The following STPG2 variants were observed in gnomAD, a reference collection of about 807,000 sequenced individuals.
The protein encoded by STPG2 is sperm tail PG-rich repeat containing 2, also known as sperm-tail PG-rich repeat-containing protein 2.
In STPG2, 56 loss-of-function variants were observed where a neutral mutation model predicts 54.2. The observed-to-expected ratio is 1.03, with a 90% confidence interval of 0.83 to 1.29. The LOEUF (loss-of-function observed/expected upper bound fraction) is 1.29. STPG2 is among the 50% of genes most tolerant of loss of function. The pLI is 0.00. For synonymous variants in STPG2, 200 were observed against 181.8 expected (o/e 1.10, Z -0.81); for missense variants, 596 against 544.9 (o/e 1.09, Z -0.93).
chr4:97,864,161 C>T (rs536435527), intron 8 of STPG2, among the ~76,000 whole-genome samples: 73 of 152,206 alleles, frequency 4.8e-4, no homozygotes, highest in Middle Eastern at 6.8e-3. Context: ...TCAAATTGTC[C>T]CTGTTTGCAG....
At chr4:97,870,578 A>T (rs574733277) in intron 8 of STPG2, among the ~76,000 whole-genome samples, 6 of 151,564 alleles carry the variant, frequency 4.0e-5, no homozygotes, top group African/African-American at 1.2e-4. Context: ...ATTAATTGTA[A>T]TGAAGAACAT....
At chr4:97,536,244 A>T (rs1731528302) in intron 4 of STPG2, among the ~76,000 whole-genome samples, 1 of 152,116 alleles carries the variant, frequency 6.6e-6, no homozygotes, top group African/African-American at 2.4e-5. Context: ...CTATGGGTGA[A>T]ATGGTTTGGC....
intron 8 of STPG2, among the ~76,000 whole-genome samples, chr4:97,933,511 T>A (rs180748090): frequency 7.0e-4 from 106 of 152,334 alleles, no homozygotes; most frequent in African/African-American, 2.1e-3. Flanking sequence ...TACATTTAAG[T>A]CTTTAATCCA....
chr4:98,053,316 T>C (rs887028610), intron 5 of STPG2, among the ~76,000 whole-genome samples: 13 of 152,162 alleles, frequency 8.5e-5, no homozygotes, highest in African/African-American at 2.4e-4. Flanking sequence ...AATGTAAACA[T>C]GCAACAAGAG....
intron 5 of STPG2, among the ~76,000 whole-genome samples, chr4:97,982,585 G>A (rs149332005): frequency 1.1e-3 from 174 of 151,966 alleles, no homozygotes; most frequent in African/African-American, 3.9e-3. Context: ...CAAATTCGTC[G>A]GCTGATCTAA....
At chr4:97,841,006 G>A in intron 8 of STPG2, 74 bp from the exon 9 acceptor site, 1 of 1,418,504 alleles carries the variant, frequency 7.0e-7, no homozygotes, top group South Asian at 1.4e-5. Flanking sequence ...CAGATGGATG[G>A]TTACAGTAAG....
At chr4:97,854,928 G>A (rs1270802982) in intron 8 of STPG2, among the ~76,000 whole-genome samples, 1 of 152,122 alleles carries the variant, frequency 6.6e-6, no homozygotes, top group African/African-American at 2.4e-5. Context: ...CAAGGCCCCA[G>A]TGTGTGTTGT....
At chr4:97,946,824 G>A (rs940840311) in intron 7 of STPG2, among the ~76,000 whole-genome samples, 3 of 147,142 alleles carry the variant, frequency 2.0e-5, no homozygotes, top group Non-Finnish European at 4.6e-5. Context: ...GTCCAGTAAT[G>A]TGCTGCCTCC....
At chr4:98,107,843 C>T (rs1739230830) in intron 4 of STPG2, among the ~76,000 whole-genome samples, 1 of 151,890 alleles carries the variant, frequency 6.6e-6, no homozygotes, top group Non-Finnish European at 1.5e-5. Flanking sequence ...GATTAAAATA[C>T]TGAAGAACAA....
intron 5 of STPG2, among the ~76,000 whole-genome samples, chr4:98,034,024 C>A (rs1323081293): frequency 1.3e-5 from 2 of 152,122 alleles, no homozygotes; most frequent in Non-Finnish European, 2.9e-5. Context: ...TGGAAGCATT[C>A]CCTTTGAAAA....
At chr4:98,041,234 A>C in intron 5 of STPG2, among the ~76,000 whole-genome samples, 1 of 151,760 alleles carries the variant, frequency 6.6e-6, no homozygotes, top group East Asian at 1.9e-4. Flanking sequence ...TCTTTTGGAG[A>C]AGGCTCTAGG....
rs188166244 is a variant in STPG2, at chr4:97,542,055, G to C, written c.462+170644C>G. On this transcript the variant is annotated intron_variant, in intron 4 of 4. Transcript: ENST00000522676. ...CTAGGCAATACCATTCAGGACATAG[G>C]CATAGGCAAGGACTTCATGTCTAAA... 4.1e-3 allele frequency among the ~76,000 whole-genome samples: 630 copies of C among 152,210 alleles called. 3 individuals are homozygous for C. The highest frequency in any genetic ancestry group is 0.02 in the South Asian group (97 of 4,822).
intron 4 of STPG2, among the ~76,000 whole-genome samples, chr4:97,477,414 A>G (rs1730098447): frequency 6.6e-6 from 1 of 150,600 alleles, no homozygotes; most frequent in South Asian, 2.1e-4. Context: ...GAAAAATTTT[A>G]TATCATTGTA....
intron 8 of STPG2, among the ~76,000 whole-genome samples, chr4:97,879,223 G>T (rs542092790): frequency 6.6e-6 from 1 of 152,266 alleles, no homozygotes; most frequent in Admixed American, 6.5e-5. Flanking sequence ...TACTTCTGAG[G>T]CTTTCAAACT....
chr4:98,068,646 G>GAAGAAA (rs1737905010), intron 5 of STPG2, among the ~76,000 whole-genome samples: 1 of 152,068 alleles, frequency 6.6e-6, no homozygotes, highest in African/African-American at 2.4e-5. Flanking sequence ...TGTTCCAGAA[G>GAAGAAA]TTGTGTGTAG....
chr4:98,124,188 C>T (rs11721331), intron 3 of STPG2, among the ~76,000 whole-genome samples: 60,056 of 151,892 alleles, frequency 0.4, 12,112 homozygotes, highest in Middle Eastern at 0.46. Context: ...TTAAGGTTAA[C>T]ATTGTTATGT....
intron 2 of STPG2, among the ~76,000 whole-genome samples, chr4:98,129,330 C>A (rs1739918008): frequency 6.6e-6 from 1 of 152,172 alleles, no homozygotes. Flanking sequence ...TGGCTTCATT[C>A]CTTCCCAGCT....
intron 9 of STPG2, among the ~76,000 whole-genome samples, chr4:97,834,051 A>G (rs886134309): frequency 6.6e-6 from 1 of 152,174 alleles, no homozygotes; most frequent in African/African-American, 2.4e-5. Flanking sequence ...ATAAAGACAC[A>G]TGCACACGTA....
chr4:97,734,049 A>G (rs961705647), intron 9 of STPG2, among the ~76,000 whole-genome samples: 1 of 152,186 alleles, frequency 6.6e-6, no homozygotes, highest in African/African-American at 2.4e-5. Flanking sequence ...TATACTGATT[A>G]AAAGTGCCAA....
Sources: gnomAD v4.1 joint callset for allele counts (sites outside exome capture counted in the v4.1 genomes callset) on GRCh38, gnomAD v4.1.1 for gene constraint, MANE v1.5 for transcripts, NCBI Gene and HGNC (gene_info 2026-07-23, HGNC 2026-07-21) for gene names.